GRIK3: variants seen among roughly 807,000 people sequenced by gnomAD.
GRIK3 encodes the protein glutamate ionotropic receptor kainate type subunit 3.
GRIK3 carries 29 observed loss-of-function variants against 102.5 expected under a neutral mutation model. The ratio of observed to expected loss-of-function variants is 0.28; its 90% CI spans 0.21 to 0.39. The LOEUF (loss-of-function observed/expected upper bound fraction) is 0.39, where lower values mean the gene tolerates loss of function less well. Ranked by LOEUF, GRIK3 falls within the 10% of genes least tolerant of loss-of-function variation. The pLI is 1.00. For missense variants in GRIK3, 908 were observed against 1,252.4 expected (o/e 0.73, Z 4.15); for synonymous variants, 511 against 504.9 (o/e 1.01, Z -0.16).
rs1642862471 is a variant in GRIK3 at position 37,034,201 on chromosome 1, G to A, written c.-93C>T. ...GCGGGCGCGCAGCAGCCCCGAAGGC[G>A]CCGCCTGGCCCAGCCGCCCGGCTCC... On this transcript the variant is annotated 5_prime_UTR_variant, in exon 1 of 16. Coordinates refer to ENST00000373091, the MANE Select transcript of GRIK3 (RefSeq NM_000831.4). 5 of 296,480 alleles carry A rather than the reference G, an allele frequency of 1.7e-5. No individual in the cohort carries two copies. In the South Asian group the frequency reaches 5.5e-4, roughly 33 times the overall value. The allele number at this position is 296,480 out of a possible 1,614,324, so 18.4% of individuals were successfully genotyped here.
intron 13 of GRIK3, among the ~76,000 whole-genome samples, chr1:36,812,188 G>T (rs1570737987): frequency 6.6e-6 from 1 of 152,056 alleles, no homozygotes; most frequent in Admixed American, 6.6e-5. Flanking sequence ...TGGGAGGCAG[G>T]GTGTGGACCA....
chr1:36,941,114 C>G (rs776940179), intron 1 of GRIK3, among the ~76,000 whole-genome samples: 75 of 152,258 alleles, frequency 4.9e-4, no homozygotes, highest in Middle Eastern at 3.4e-3. Flanking sequence ...CCAAAAATGA[C>G]AAGTATGGTG....
In GRIK3 at chr1:36,818,433, G is replaced by T. The variant is rs576346765; in HGVS notation, c.1874-1156C>A. On this transcript the variant is annotated intron_variant, in intron 12 of 15. Transcript: ENST00000373091. Reference sequence around the variant, plus strand: ...CTGCTAGAGACCACTGGGGCTCTGTGTCCCCTCCCCAACTGGCCACTCCCA... The same window carrying T: ...CTGCTAGAGACCACTGGGGCTCTGTTTCCCCTCCCCAACTGGCCACTCCCA... Among the ~76,000 whole-genome samples the T allele has an allele frequency of 2.1e-4, 32 of 152,326 alleles. No homozygotes were observed. In the East Asian group the frequency reaches 6.2e-3, roughly 29 times the overall value.
intron 1 of GRIK3, among the ~76,000 whole-genome samples, chr1:36,991,164 C>G (rs897360345): frequency 3.3e-5 from 5 of 152,192 alleles, no homozygotes; most frequent in Admixed American, 2.6e-4. Flanking sequence ...ATCTGTAAAC[C>G]AGGAACACTA....
At chr1:36,871,609 G>A (rs1557709213) in intron 4 of GRIK3, among the ~76,000 whole-genome samples, 1 of 152,214 alleles carries the variant, frequency 6.6e-6, no homozygotes, top group South Asian at 2.1e-4. Context: ...TCCCCAGCAG[G>A]CCATGCTGAG....
At chr1:36,855,081 C>G (rs1030442115) in intron 7 of GRIK3, among the ~76,000 whole-genome samples, 1 of 152,102 alleles carries the variant, frequency 6.6e-6, no homozygotes, top group Non-Finnish European at 1.5e-5. Flanking sequence ...TCCTTGGGAA[C>G]AAATGTGCAC....
At chr1:36,993,017 G>A (rs1257245391) in intron 1 of GRIK3, among the ~76,000 whole-genome samples, 1 of 151,478 alleles carries the variant, frequency 6.6e-6, no homozygotes, top group African/African-American at 2.4e-5. Flanking sequence ...GAAAATGGAA[G>A]TTTTAGAAAC....
intron 1 of GRIK3, among the ~76,000 whole-genome samples, chr1:36,923,817 A>T (rs1313224543): frequency 6.6e-6 from 1 of 152,004 alleles, no homozygotes; most frequent in Non-Finnish European, 1.5e-5. Flanking sequence ...GCTTTTGGGA[A>T]ACACCTGTTC....
chr1:36,859,066 G>A (rs1640688183), intron 7 of GRIK3, 42 bp downstream of exon 7: 1 of 1,544,674 alleles, frequency 6.5e-7, no homozygotes, highest in Non-Finnish European at 8.8e-7. Flanking sequence ...AGGGCCCACA[G>A]TCCCGGGGAG....
chr1:36,963,351 C>T (rs1296948063), intron 1 of GRIK3, among the ~76,000 whole-genome samples: 2 of 152,126 alleles, frequency 1.3e-5, no homozygotes, highest in Admixed American at 6.5e-5. Context: ...CCAGGACACT[C>T]GAGACGCCAG....
chr1:36,815,547 T>C (rs951401481), intron 13 of GRIK3, among the ~76,000 whole-genome samples: 13 of 152,214 alleles, frequency 8.5e-5, no homozygotes, highest in Non-Finnish European at 1.3e-4. Context: ...GATTAATAGA[T>C]AAACATATAA....
chr1:36,997,145 G>T (rs1258040496), intron 1 of GRIK3, among the ~76,000 whole-genome samples: 1 of 152,118 alleles, frequency 6.6e-6, no homozygotes, highest in Non-Finnish European at 1.5e-5. Context: ...CCACCTCCAA[G>T]GACTTACAGA....
chr1:36,830,149 G>C (rs761657222), intron 10 of GRIK3, among the ~76,000 whole-genome samples: 2 of 152,226 alleles, frequency 1.3e-5, no homozygotes, highest in Non-Finnish European at 2.9e-5. Flanking sequence ...TGCGTATGCT[G>C]CCTATGCCTA....
At chr1:36,948,784 TCTCCAGCC>T (rs569433068) in intron 1 of GRIK3, among the ~76,000 whole-genome samples, 1 of 152,070 alleles carries the variant, frequency 6.6e-6, no homozygotes, top group African/African-American at 2.4e-5. Flanking sequence ...GGCCTCCTTG[TCTCCAGCC>T]CTCCAGCCCT....
intron 1 of GRIK3, among the ~76,000 whole-genome samples, chr1:36,966,287 C>G (rs1424232071): frequency 6.6e-6 from 1 of 152,210 alleles, no homozygotes; most frequent in Non-Finnish European, 1.5e-5. Context: ...GACATGGGAC[C>G]AGACAGGCTA....
intron 2 of GRIK3, among the ~76,000 whole-genome samples, chr1:36,882,859 C>A (rs1640997383): frequency 6.6e-6 from 1 of 152,190 alleles, no homozygotes; most frequent in Non-Finnish European, 1.5e-5. Context: ...AAACCCTGGA[C>A]TTAGAATTTG....
chr1:36,896,901 C>T (rs549447), intron 1 of GRIK3, among the ~76,000 whole-genome samples: 6,804 of 152,082 alleles, frequency 0.045, 410 homozygotes, highest in African/African-American at 0.13. Context: ...GAAAAAAATG[C>T]GATCATCTGA....
At chr1:36,808,768 G>A (rs575064988) in intron 13 of GRIK3, among the ~76,000 whole-genome samples, 1 of 152,322 alleles carries the variant, frequency 6.6e-6, no homozygotes, top group Non-Finnish European at 1.5e-5. Flanking sequence ...TTTAAAACAT[G>A]AAGTTTCGGG....
Position 36,795,832 on chromosome 1 carries a change from T to G in GRIK3, c.*6019A>C, listed in dbSNP as rs1642358596. ...GTGGGAGTGGGGGGCGTCCAGGCAC[T>G]CTGGTCTGGGTGGTGGGACAGGTCT... is the stretch of plus-strand genomic sequence containing the variant. On this transcript the variant is annotated 3_prime_UTR_variant, in exon 16 of 16. Transcript: ENST00000373091. 2 of 152,184 alleles carry G rather than the reference T, an allele frequency of 1.3e-5. No individual in the cohort carries two copies. The highest frequency in any genetic ancestry group is 2.4e-5 in the African/African-American group (1 of 41,436). 9.4% of individuals were successfully genotyped at this position (152,184 alleles called of 1,614,324 possible).
Sources: gnomAD v4.1 joint callset for allele counts (sites outside exome capture counted in the v4.1 genomes callset) on GRCh38, gnomAD v4.1.1 for gene constraint, MANE v1.5 for transcripts, NCBI Gene and HGNC (gene_info 2026-07-23, HGNC 2026-07-21) for gene names.